CDKL3: variants seen among roughly 807,000 people sequenced by gnomAD.
CDKL3 encodes the protein cyclin-dependent kinase-like 3.
CDKL3 carries 65 observed loss-of-function variants against 69.3 expected under a neutral mutation model. That is an observed-to-expected ratio of 0.94 (90% CI 0.77 to 1.15). The LOEUF is 1.15. Among genes scored for constraint, CDKL3 ranks in the 50% most tolerant of loss-of-function variants. The pLI is 0.00. For synonymous variants in CDKL3, 202 were observed against 221.6 expected, an observed-to-expected ratio of 0.91 and a Z score of 0.79; for missense variants, 652 against 689.2, an observed-to-expected ratio of 0.95 and a Z score of 0.61.
At chr5:134,323,787 T>A (rs1032909185) in intron 4 of CDKL3, among the ~76,000 whole-genome samples, 1 of 152,058 alleles carries the variant, frequency 6.6e-6, no homozygotes, top group Admixed American at 6.6e-5. Context: ...AAAATCTAGA[T>A]GGCCTTAGGT....
chr5:134,310,352 ATTTTG>A, intron 7 of CDKL3, among the ~76,000 whole-genome samples: 1 of 150,876 alleles, frequency 6.6e-6, no homozygotes, highest in Non-Finnish European at 1.5e-5. Flanking sequence ...CACCCAACTA[ATTTTG>A]TTTTTTGTAT....
rs1362615829 is a variant in CDKL3, at chr5:134,359,985, T to C, written c.272A>G (p.Gln91Arg). The C allele has an allele frequency of 1.9e-6, 3 of 1,573,568 alleles. No individual in the cohort carries two copies. The highest frequency in any genetic ancestry group is 2.3e-5 in the South Asian group (2 of 85,662). The change falls in exon 3 of 13, where the codon CAA becomes CGA. Residue 91 changes from glutamine (Q) to arginine (R), a missense_variant. Physicochemically the swap from Gln to Arg is conservative, Grantham distance 43. Transcript: ENST00000265334. The part of the protein sequence containing the change: ...FIDHTVLDEL[Q>R]HYCHGLESKR... ...ACTCTCTAGTCCATGACAATAATGT[T>C]GTAACTCATCTAATACTGTGTGGTC... is the stretch of plus-strand genomic sequence containing the variant.
At position 134,289,065 on chromosome 5, in the gene CDKL3, G is replaced by A. The variant is rs188020741; in HGVS notation, c.*678-2506C>T. On this transcript the variant is annotated intron_variant and NMD_transcript_variant, in intron 8 of 8. Transcript: ENST00000519312. ...TACTCCCAACTATTCAGGAGGCTGAGGCAAGAGGATTGCTTGAGCCCAGGA... is the reference window on the plus strand; with the variant it reads ...TACTCCCAACTATTCAGGAGGCTGAAGCAAGAGGATTGCTTGAGCCCAGGA... 8.6e-5 allele frequency among the ~76,000 whole-genome samples: 13 copies of A among 150,300 alleles called. No individual in the cohort carries two copies. In the East Asian group the frequency reaches 2.5e-3, roughly 29 times the overall value.
downstream of CDKL3, among the ~76,000 whole-genome samples, chr5:134,296,384 CT>C (rs1580760978): frequency 2.0e-5 from 3 of 152,292 alleles, no homozygotes; most frequent in Admixed American, 6.5e-5. Flanking sequence ...CTTACACGGC[CT>C]GTACAACACA....
At chr5:134,307,253 C>T (rs1768139714) in intron 9 of CDKL3, among the ~76,000 whole-genome samples, 1 of 152,174 alleles carries the variant, frequency 6.6e-6, no homozygotes, top group South Asian at 2.1e-4. Context: ...TCCTGCTGGC[C>T]TACTTGCTCC....
intron 3 of CDKL3, among the ~76,000 whole-genome samples, chr5:134,352,451 C>A (rs886847004): frequency 3.9e-5 from 6 of 151,944 alleles, no homozygotes; most frequent in African/African-American, 2.4e-5. Flanking sequence ...CAGGGACATG[C>A]CACCACGCCC....
In CDKL3 at chr5:134,359,967, AG is replaced by A; in HGVS notation, c.289del (p.Leu97Ter). Reference sequence around the variant, plus strand: ...GTATTTTCTAAGTCGCTTACTCTCTAGTCCATGACAATAATGTTGTAACTCA... The same window carrying A: ...GTATTTTCTAAGTCGCTTACTCTCTATCCATGACAATAATGTTGTAACTCA... ...LDELQHYCHG[L>X]ESKRLRKYLF... On this transcript the variant is annotated frameshift_variant, in exon 3 of 13. Coordinates refer to ENST00000265334, the MANE Select transcript of CDKL3 (RefSeq NM_001113575.2). LOFTEE classifies it high-confidence loss of function. 1.9e-6 allele frequency: 3 copies of A among 1,581,206 alleles called. No homozygotes were observed. Among genetic ancestry groups the A allele is most frequent in the Non-Finnish European group, 2.6e-6 (3 of 1,161,894 alleles).
intron 4 of CDKL3, among the ~76,000 whole-genome samples, chr5:134,342,947 G>A (rs1750887890): frequency 6.6e-6 from 1 of 152,202 alleles, no homozygotes; most frequent in African/African-American, 2.4e-5. Context: ...GCTCCTGCCC[G>A]TAATCCCAAT....
chr5:134,283,592 C>T (rs1390594463), downstream of CDKL3, among the ~76,000 whole-genome samples: 2 of 152,158 alleles, frequency 1.3e-5, no homozygotes, highest in African/African-American at 4.8e-5. Context: ...CTTCCCACAA[C>T]ACATGGGAAT....
At chr5:134,283,445 G>A (rs1000519685), downstream of CDKL3, among the ~76,000 whole-genome samples, 4 of 152,102 alleles carry the variant, frequency 2.6e-5, no homozygotes, top group African/African-American at 9.7e-5. Flanking sequence ...CATCTTACGT[G>A]GATGGCAGCA....
intron 2 of CDKL3, among the ~76,000 whole-genome samples, chr5:134,363,768 A>T (rs1414049762): frequency 6.6e-6 from 1 of 151,958 alleles, no homozygotes; most frequent in East Asian, 1.9e-4. Flanking sequence ...GCGTAGAGCC[A>T]TTCTAATAAT....
Position 134,367,112 on chromosome 5 carries a change from A to G in CDKL3, c.-157T>C. 1.0e-6 allele frequency: 1 copy of G among 985,938 alleles called. No individual in the cohort carries two copies. Among genetic ancestry groups the G allele is most frequent in the Non-Finnish European group, 1.2e-6 (1 of 830,318 alleles). 61.1% of individuals were successfully genotyped at this position (985,938 alleles called of 1,614,324 possible). A position where few individuals can be genotyped will look rare whatever the true frequency, so the allele number is the denominator to read the frequency against. ...GAACACTGATACTACTTTGTTGCTC[A>G]GCCCCGCAAGGAACCGGCCACTTGC... On this transcript the variant is annotated 5_prime_UTR_variant, in exon 1 of 13. Transcript: ENST00000265334.
At chr5:134,340,129 G>A (rs1191795343) in intron 4 of CDKL3, among the ~76,000 whole-genome samples, 2 of 152,080 alleles carry the variant, frequency 1.3e-5, no homozygotes, top group African/African-American at 2.4e-5. Context: ...ATTCCAGCCT[G>A]AGCAACAGAG....
At chr5:134,357,866 C>T (rs868169959) in intron 3 of CDKL3, among the ~76,000 whole-genome samples, 1 of 152,156 alleles carries the variant, frequency 6.6e-6, no homozygotes, top group South Asian at 2.1e-4. Context: ...ATATCTTCTA[C>T]TCATGTTAAA....
chr5:134,346,607 C>G (rs952635693), intron 4 of CDKL3, among the ~76,000 whole-genome samples: 1 of 152,168 alleles, frequency 6.6e-6, no homozygotes, highest in Non-Finnish European at 1.5e-5. Context: ...AGCGTTTTTC[C>G]TGCCTCAGTC....
downstream of CDKL3, among the ~76,000 whole-genome samples, chr5:134,296,825 A>G (rs1189622192): frequency 1.3e-5 from 2 of 150,356 alleles, no homozygotes; most frequent in Non-Finnish European, 3.0e-5. Context: ...ACGCACGCAC[A>G]CACACGGATC....
At chr5:134,314,853 T>C (rs1010573491) in intron 6 of CDKL3, among the ~76,000 whole-genome samples, 6 of 152,128 alleles carry the variant, frequency 3.9e-5, no homozygotes, top group Non-Finnish European at 7.4e-5. Context: ...TGGAGAGTGA[T>C]GGAAATGTTA....
At chr5:134,329,948 T>G (rs1180898416) in intron 4 of CDKL3, among the ~76,000 whole-genome samples, 1 of 151,240 alleles carries the variant, frequency 6.6e-6, no homozygotes, top group African/African-American at 2.4e-5. Context: ...AGGTGGAGAT[T>G]GCAGTGAGGT....
At chr5:134,345,198 C>G (rs548982872) in intron 4 of CDKL3, among the ~76,000 whole-genome samples, 88 of 151,632 alleles carry the variant, frequency 5.8e-4, no homozygotes, top group Non-Finnish European at 1.1e-3. Flanking sequence ...GTGATGAAAA[C>G]TGACTGGTGA....
Sources: allele counts gnomAD v4.1 joint callset (sites outside exome capture counted in the v4.1 genomes callset), GRCh38; gene constraint gnomAD v4.1.1; transcripts MANE v1.5; gene names NCBI Gene and HGNC (gene_info 2026-07-23, HGNC 2026-07-21).